The following PEX14 variants were observed in gnomAD, a reference collection of about 807,000 sequenced individuals.
PEX14 encodes the protein peroxisomal biogenesis factor 14.
In PEX14, 15 loss-of-function variants were observed where a neutral mutation model predicts 49.5. That is an observed-to-expected ratio of 0.30 (90% CI 0.20 to 0.47). PEX14 has a LOEUF of 0.47. Among genes scored for constraint, PEX14 ranks in the 20% least tolerant of loss-of-function variants. The probability of loss-of-function intolerance (pLI) is 1.00; values close to 1 mark genes in which losing one functional copy is unlikely to be tolerated. For synonymous variants in PEX14, 210 were observed against 212.7 expected (o/e 0.99, Z 0.11); for missense variants, 398 against 494.8 (o/e 0.80, Z 1.86).
intron 8 of PEX14, among the ~76,000 whole-genome samples, chr1:10,627,574 A>C (rs550579550): frequency 2.6e-5 from 4 of 152,148 alleles, no homozygotes; most frequent in Admixed American, 2.6e-4. Flanking sequence ...TCTGTGGCAC[A>C]CAAGTTTTGA....
chr1:10,528,153 A>C, intron 2 of PEX14: 1 of 168,028 alleles, frequency 6.0e-6, no homozygotes, highest in Non-Finnish European at 1.2e-5. Context: ...GCTGGTGGTC[A>C]CCTATTCAGT....
At chr1:10,493,935 A>G (rs1198364331) in intron 1 of PEX14, among the ~76,000 whole-genome samples, 1 of 152,216 alleles carries the variant, frequency 6.6e-6, no homozygotes, top group Non-Finnish European at 1.5e-5. Context: ...AGAGGCAGGA[A>G]GGCAGTCGGA....
chr1:10,480,866 TA>T (rs375365695), intron 1 of PEX14, among the ~76,000 whole-genome samples: 26 of 147,610 alleles, frequency 1.8e-4, no homozygotes, highest in South Asian at 2.1e-4. Context: ...TCTCTATATA[TA>T]TATTTTTTTT....
At chr1:10,521,902 A>G (rs1379105216) in intron 2 of PEX14, among the ~76,000 whole-genome samples, 6 of 152,194 alleles carry the variant, frequency 3.9e-5, no homozygotes, top group Non-Finnish European at 8.8e-5. Context: ...AACCCTGTCT[A>G]TTAGTCTTAA....
At chr1:10,545,992 C>T (rs1284829850) in intron 3 of PEX14, among the ~76,000 whole-genome samples, 6 of 151,962 alleles carry the variant, frequency 3.9e-5, no homozygotes, top group Non-Finnish European at 4.4e-5. Flanking sequence ...TTACAGGGAG[C>T]TATGATTGTG....
intron 2 of PEX14, among the ~76,000 whole-genome samples, chr1:10,530,764 A>G (rs776527257): frequency 3.1e-4 from 47 of 152,330 alleles, no homozygotes; most frequent in Admixed American, 1.0e-3. Flanking sequence ...GGTTGCACAC[A>G]GAACTGCCTC....
chr1:10,517,404 G>A (rs532049435), intron 2 of PEX14, among the ~76,000 whole-genome samples: 3 of 152,202 alleles, frequency 2.0e-5, no homozygotes, highest in South Asian at 2.1e-4. Context: ...GATATAGCCC[G>A]TATGCAGACT....
At chr1:10,531,039 G>C (rs2124472655) in intron 2 of PEX14, among the ~76,000 whole-genome samples, 1 of 152,220 alleles carries the variant, frequency 6.6e-6, no homozygotes, top group East Asian at 1.9e-4. Context: ...GAAAGAGAGC[G>C]TGTAGACTTG....
chr1:10,535,440 CT>C (rs1638771044), intron 2 of PEX14, among the ~76,000 whole-genome samples: 1 of 152,204 alleles, frequency 6.6e-6, no homozygotes, highest in South Asian at 2.1e-4. Context: ...AAACTTTGCC[CT>C]TTGAAGGGTC....
intron 3 of PEX14, among the ~76,000 whole-genome samples, chr1:10,578,593 G>A (rs1640219142): frequency 1.3e-5 from 2 of 152,016 alleles, no homozygotes; most frequent in Non-Finnish European, 2.9e-5. Context: ...TTACTGAAAT[G>A]AAAACTCAGT....
rs1179531192 is a variant in PEX14, at chr1:10,629,942, G to A, written c.1089G>A (p.Lys363=). The change falls in exon 9 of 9, where the codon AAG becomes AAA. Residue 363 remains lysine, a synonymous_variant. Coordinates refer to ENST00000356607, the MANE Select transcript of PEX14 (RefSeq NM_004565.3). This position sits in a 1 kb window ranked among gnomAD's most constrained non-coding sequence, Gnocchi z 8.5. ...GGCAGATCAACGAGCAGGTGGAGAA[G>A]CTGCGGCGGCCCGAGGGCGCCAGCA... ...GDGQINEQVE[K]LRRPEGASNE... is the part of the protein sequence containing the mutation. 2 of 1,612,326 alleles carry A rather than the reference G, an allele frequency of 1.2e-6. No individual in the cohort carries two copies. The highest frequency in any genetic ancestry group is 2.7e-5 in the African/African-American group (2 of 74,752).
At chr1:10,610,908 CT>C (rs971438736) in intron 4 of PEX14, among the ~76,000 whole-genome samples, 13 of 152,286 alleles carry the variant, frequency 8.5e-5, no homozygotes, top group African/African-American at 3.1e-4. Context: ...CCTTCTTCCT[CT>C]TCCTGTTCTT....
chr1:10,609,236 T>TA (rs1258325202), intron 4 of PEX14, among the ~76,000 whole-genome samples: 1 of 152,238 alleles, frequency 6.6e-6, no homozygotes, highest in African/African-American at 2.4e-5. Flanking sequence ...CTGTGCAAGT[T>TA]CTGTGTGGAC....
At chr1:10,504,248 C>T (rs898151042) in intron 2 of PEX14, among the ~76,000 whole-genome samples, 1 of 152,112 alleles carries the variant, frequency 6.6e-6, no homozygotes, top group African/African-American at 2.4e-5. Context: ...GTAGTTATAA[C>T]CGAGATTTAT....
At position 10,504,709 on chromosome 1, in the gene PEX14, C is replaced by G. The variant is rs574106573; in HGVS notation, c.84+9388C>G. Among the ~76,000 whole-genome samples, 358 of 149,144 alleles carry G rather than the reference C, an allele frequency of 2.4e-3. 4 individuals carry two copies. The highest frequency in any genetic ancestry group is 8.3e-3 in the African/African-American group (340 of 41,202). ...AATCAAGCACACAAGTTGATTGATTCCTTTTCCTTTTCCTTTCCTTTCCTT... is the reference window on the plus strand; with the variant it reads ...AATCAAGCACACAAGTTGATTGATTGCTTTTCCTTTTCCTTTCCTTTCCTT... On this transcript the variant is annotated intron_variant, in intron 2 of 8. Coordinates refer to ENST00000356607, the MANE Select transcript of PEX14 (RefSeq NM_004565.3).
chr1:10,548,323 A>G (rs1639233998), intron 3 of PEX14, among the ~76,000 whole-genome samples: 1 of 152,228 alleles, frequency 6.6e-6, no homozygotes, highest in Non-Finnish European at 1.5e-5. Flanking sequence ...GGTAGACAAG[A>G]GAGTTTCCAC....
At chr1:10,610,370 TATACACACACAC>T (rs1274935632) in intron 4 of PEX14, among the ~76,000 whole-genome samples, 3 of 98,564 alleles carry the variant, frequency 3.0e-5, no homozygotes, top group Non-Finnish European at 4.8e-5. Context: ...TATATATATA[TATACACACACAC>T]ACACACACAC....
intron 3 of PEX14, among the ~76,000 whole-genome samples, chr1:10,555,813 C>T (rs1447407668): frequency 6.6e-6 from 1 of 152,202 alleles, no homozygotes; most frequent in Non-Finnish European, 1.5e-5. Context: ...GTCCGGGCCT[C>T]ACCTGTGGCC....
intron 4 of PEX14, among the ~76,000 whole-genome samples, chr1:10,609,575 C>G (rs1641218534): frequency 6.6e-6 from 1 of 152,150 alleles, no homozygotes; most frequent in Non-Finnish European, 1.5e-5. Flanking sequence ...CACTGTAGTT[C>G]CTTGTGCCTT....
Sources: gnomAD v4.1 joint callset for allele counts (sites outside exome capture counted in the v4.1 genomes callset) on GRCh38, gnomAD v4.1.1 for gene constraint, Gnocchi (gnomAD v3.1) non-coding constraint, MANE v1.5 for transcripts, NCBI Gene and HGNC (gene_info 2026-07-23, HGNC 2026-07-21) for gene names.